Variants in NCAM2 observed in about 807,000 individuals in gnomAD.
NCAM2 encodes N-CAM-2.
NCAM2 carries 30 observed loss-of-function variants against 98.1 expected under a neutral mutation model. The ratio of observed to expected loss-of-function variants is 0.31; its 90% CI spans 0.23 to 0.41. The LOEUF (loss-of-function observed/expected upper bound fraction) is 0.41, where lower values mean the gene tolerates loss of function less well. Ranked by LOEUF, NCAM2 falls within the 10% of genes least tolerant of loss-of-function variation. NCAM2 has a pLI of 1.00. For synonymous variants in NCAM2, 368 were observed against 342.4 expected (o/e 1.07, Z -0.83); for missense variants, 867 against 1,005.8 (o/e 0.86, Z 1.87).
At chr21:21,290,948 A>T (rs941018892) in intron 4 of NCAM2, among the ~76,000 whole-genome samples, 2 of 151,786 alleles carry the variant, frequency 1.3e-5, no homozygotes, top group Non-Finnish European at 2.9e-5. Flanking sequence ...GATCAGGCTG[A>T]TGGAGACTCT....
At chr21:21,412,182 C>G (rs137950107) in intron 10 of NCAM2, among the ~76,000 whole-genome samples, 1 of 152,170 alleles carries the variant, frequency 6.6e-6, no homozygotes, top group Non-Finnish European at 1.5e-5. Flanking sequence ...GAGGACTCTT[C>G]CCTGGACTTG....
chr21:21,520,267 C>T (rs1382821416), intron 16 of NCAM2, among the ~76,000 whole-genome samples: 1 of 152,016 alleles, frequency 6.6e-6, no homozygotes, highest in South Asian at 2.1e-4. Context: ...GCAGGAACCA[C>T]ATTTTAATTT....
chr21:21,484,825 T>C (rs1271503885), intron 15 of NCAM2, among the ~76,000 whole-genome samples: 1 of 152,178 alleles, frequency 6.6e-6, no homozygotes, highest in African/African-American at 2.4e-5. Flanking sequence ...TAACATACTT[T>C]ATTCTAAATT....
chr21:21,166,861 T>C (rs539736671), intron 1 of NCAM2, among the ~76,000 whole-genome samples: 10 of 152,288 alleles, frequency 6.6e-5, no homozygotes, highest in Admixed American at 2.6e-4. Flanking sequence ...TTTCAACATA[T>C]TGCATCTCTC....
intron 1 of NCAM2, among the ~76,000 whole-genome samples, chr21:21,058,874 T>C (rs1251618746): frequency 6.6e-6 from 1 of 152,124 alleles, no homozygotes; most frequent in Non-Finnish European, 1.5e-5. Flanking sequence ...AATACCTCCA[T>C]GTGAATTTCT....
intron 1 of NCAM2, among the ~76,000 whole-genome samples, chr21:21,268,158 A>G (rs1469556544): frequency 6.6e-6 from 1 of 152,192 alleles, no homozygotes; most frequent in Admixed American, 6.5e-5. Context: ...TCATGTTGCC[A>G]TGGCACCATC....
intron 1 of NCAM2, among the ~76,000 whole-genome samples, chr21:21,074,990 T>C (rs1025980135): frequency 1.3e-5 from 2 of 152,152 alleles, no homozygotes; most frequent in Non-Finnish European, 2.9e-5. Flanking sequence ...ATGTACACCA[T>C]GAAATACTAT....
chr21:21,479,450 G>A (rs1393754712), intron 15 of NCAM2, among the ~76,000 whole-genome samples: 2 of 151,558 alleles, frequency 1.3e-5, no homozygotes, highest in African/African-American at 4.8e-5. Context: ...CGGGCGTGGT[G>A]GTGGACGCCT....
intron 5 of NCAM2, among the ~76,000 whole-genome samples, chr21:21,322,134 A>G (rs957671513): frequency 1.3e-5 from 2 of 152,194 alleles, no homozygotes; most frequent in African/African-American, 4.8e-5. Context: ...CAAAAAACAA[A>G]CAAACAAACA....
intron 1 of NCAM2, among the ~76,000 whole-genome samples, chr21:21,105,969 G>A (rs1425054836): frequency 2.0e-5 from 3 of 151,710 alleles, no homozygotes; most frequent in African/African-American, 4.8e-5. Context: ...GTTCCAAGAG[G>A]GTATGTTTAT....
intron 11 of NCAM2, among the ~76,000 whole-genome samples, chr21:21,428,499 T>G (rs1425918582): frequency 6.6e-6 from 1 of 152,190 alleles, no homozygotes; most frequent in Non-Finnish European, 1.5e-5. Flanking sequence ...TTTACAAAGA[T>G]TGATTTTGCA....
intron 1 of NCAM2, among the ~76,000 whole-genome samples, chr21:21,112,084 C>A (rs952062432): frequency 8.6e-5 from 13 of 152,030 alleles, no homozygotes; most frequent in Non-Finnish European, 1.8e-4. Flanking sequence ...TATGATAATT[C>A]TTTCATACAA....
chr21:21,411,913 A>G (rs1017431226), intron 10 of NCAM2, among the ~76,000 whole-genome samples: 2 of 152,174 alleles, frequency 1.3e-5, no homozygotes, highest in African/African-American at 4.8e-5. Context: ...CTTTGGAAAT[A>G]TTTTAGAAGA....
chr21:21,502,683 C>G (rs1180083177), intron 15 of NCAM2, among the ~76,000 whole-genome samples: 1 of 151,902 alleles, frequency 6.6e-6, no homozygotes, highest in African/African-American at 2.4e-5. Flanking sequence ...TGGAAAGATA[C>G]CGTACGTAGT....
At chr21:21,193,527 C>T (rs1020484016) in intron 1 of NCAM2, among the ~76,000 whole-genome samples, 7 of 139,254 alleles carry the variant, frequency 5.0e-5, no homozygotes, top group South Asian at 2.3e-4. Context: ...GACGGAGTCT[C>T]GCTCTGTCGC....
intron 1 of NCAM2, among the ~76,000 whole-genome samples, chr21:21,104,397 C>A (rs1450760391): frequency 6.6e-6 from 1 of 152,038 alleles, no homozygotes; most frequent in Non-Finnish European, 1.5e-5. Context: ...TTTTCTAGTA[C>A]CTATTTTTTT....
chr21:21,538,748 ATAAAG>A lies in NCAM2; in HGVS notation c.*796_*800del, dbSNP rs1365891525. On this transcript the variant is annotated 3_prime_UTR_variant, in exon 18 of 18. Coordinates refer to ENST00000400546, the MANE Select transcript of NCAM2 (RefSeq NM_004540.5). The stretch of plus-strand genomic sequence containing the variant: ...TATTGATTTCTGCCCTCAGCTTCAA[ATAAAG>A]TAAATTGAAATGGGAACAATATCAA... The A allele has an allele frequency of 6.6e-6, 1 of 152,176 alleles. No individual in the cohort carries two copies. The highest frequency in any genetic ancestry group is 1.5e-5 in the Non-Finnish European group (1 of 68,012). The allele number at this position is 152,176 out of a possible 1,614,324, so 9.4% of individuals were successfully genotyped here.
Position 21,468,647 on chromosome 21 carries a change from GTA to G in NCAM2, c.1775-13_1775-12del, listed in dbSNP as rs1984037175. The G allele has an allele frequency of 6.2e-7, 1 of 1,602,134 alleles. No homozygotes were observed. Among genetic ancestry groups the G allele is most frequent in the Non-Finnish European group, 8.5e-7 (1 of 1,173,856 alleles). On this transcript the variant is annotated splice_polypyrimidine_tract_variant and intron_variant, in intron 13 of 17. Transcript: ENST00000400546. ...AAATGTGTGCAAATGAAGAAATGTTGTATTGTATATCTAGGTGAACCAAGTCC... is the reference window on the plus strand; with the variant it reads ...AAATGTGTGCAAATGAAGAAATGTTGTTGTATATCTAGGTGAACCAAGTCC...
chr21:21,507,996 G>GTCT (rs1193123966), intron 15 of NCAM2, among the ~76,000 whole-genome samples: 1 of 151,932 alleles, frequency 6.6e-6, no homozygotes, highest in Non-Finnish European at 1.5e-5. Flanking sequence ...CTACAAACAC[G>GTCT]TAACACGTGA....
Sources: gnomAD v4.1 joint callset for allele counts (sites outside exome capture counted in the v4.1 genomes callset) on GRCh38, gnomAD v4.1.1 for gene constraint, MANE v1.5 for transcripts, NCBI Gene and HGNC (gene_info 2026-07-23, HGNC 2026-07-21) for gene names.